The following APCDD1L variants were observed in gnomAD, a reference collection of about 807,000 sequenced individuals.
The protein encoded by APCDD1L is protein APCDD1-like.
APCDD1L carries 21 observed loss-of-function variants against 24.2 expected under a neutral mutation model. That is an observed-to-expected ratio of 0.87 (90% CI 0.61 to 1.25). The LOEUF is 1.25. Ranked by LOEUF, APCDD1L falls within the 50% of genes most tolerant of loss-of-function variation. APCDD1L has a pLI of 0.00. For synonymous variants in APCDD1L, 321 were observed against 323.6 expected (o/e 0.99, Z 0.09); for missense variants, 704 against 711.7 (o/e 0.99, Z 0.12).
Position 58,494,158 on chromosome 20 carries a change from A to AG in APCDD1L, c.49+20500dup, listed in dbSNP as rs1245065855. Among the ~76,000 whole-genome samples the AG allele has an allele frequency of 6.6e-6, 1 of 152,076 alleles. No individual in the cohort carries two copies. Among genetic ancestry groups the AG allele is most frequent in the East Asian group, 1.9e-4 (1 of 5,196 alleles). On this transcript the variant is annotated intron_variant, in intron 1 of 3. Transcript: ENST00000371149. This position sits in a 1 kb window ranked among gnomAD's most constrained non-coding sequence, Gnocchi z 4.8. ...TAGGCTGAGGAGGAGGAGGAAGAGG[A>AG]GGGGCTGGTCTTGCTGTCTCAGGGG...
rs747250193 is a variant in APCDD1L at position 58,470,652 on chromosome 20, C to T, written c.145G>A (p.Ala49Thr). 6.3e-7 allele frequency: 1 copy of T among 1,576,318 alleles called. No homozygotes were observed. The highest frequency in any genetic ancestry group is 1.2e-5 in the South Asian group (1 of 85,782). ...CCATTAAGGCGTGGAGGCAGGATCG[C>T]AGTGCTGGGCACTCTATCTGGCAAG... ...QPLPDRVPST[A>T]ILPPRLNGPW... The change falls in exon 2 of 4, where the codon GCG (alanine) becomes ACG (threonine). Residue 49 changes from alanine to threonine, a missense_variant. Transcript: ENST00000371149.
intron 1 of APCDD1L, among the ~76,000 whole-genome samples, chr20:58,492,092 A>G (rs1990234771): frequency 6.6e-6 from 1 of 152,262 alleles, no homozygotes; most frequent in Non-Finnish European, 1.5e-5. Flanking sequence ...GTACAAAAAG[A>G]TAAAATGCTA....
intron 3 of APCDD1L, among the ~76,000 whole-genome samples, chr20:58,465,057 G>A (rs1349252779): frequency 6.6e-6 from 1 of 152,110 alleles, no homozygotes; most frequent in African/African-American, 2.4e-5. Flanking sequence ...CCTGCCTGGG[G>A]ATGCATGAAA....
chr20:58,502,185 C>T (rs1369054810), intron 1 of APCDD1L, among the ~76,000 whole-genome samples: 3 of 152,132 alleles, frequency 2.0e-5, no homozygotes, highest in Middle Eastern at 6.3e-3. Context: ...TCACTGGAAC[C>T]TGTCTCCAGG....
chr20:58,478,608 C>T (rs1170504047), intron 1 of APCDD1L, among the ~76,000 whole-genome samples: 1 of 152,084 alleles, frequency 6.6e-6, no homozygotes, highest in Non-Finnish European at 1.5e-5. Context: ...AGGACAATGC[C>T]TTCATAGACT....
chr20:58,468,786 T>C (rs764644772), intron 2 of APCDD1L, among the ~76,000 whole-genome samples: 54 of 152,182 alleles, frequency 3.5e-4, no homozygotes, highest in Admixed American at 2.6e-4. Context: ...CAGGCTGATT[T>C]TGAACTCCTG....
chr20:58,486,854 GTTTTT>G (rs747539318), intron 1 of APCDD1L, among the ~76,000 whole-genome samples: 1 of 80,402 alleles, frequency 1.2e-5, no homozygotes, highest in Non-Finnish European at 2.1e-5. Context: ...TGGAGGGAAG[GTTTTT>G]TTTTTTTTTT....
At chr20:58,511,360 C>G (rs1990624281) in intron 1 of APCDD1L, among the ~76,000 whole-genome samples, 1 of 152,216 alleles carries the variant, frequency 6.6e-6, no homozygotes, top group Non-Finnish European at 1.5e-5. Context: ...ATTTTCCAGG[C>G]TGGTTTTGGC....
At chr20:58,496,898 C>T (rs566090413) in intron 1 of APCDD1L, among the ~76,000 whole-genome samples, 8 of 152,266 alleles carry the variant, frequency 5.3e-5, no homozygotes, top group Admixed American at 1.3e-4. Flanking sequence ...GGACCCCCTA[C>T]GAGCGGCACT....
intron 1 of APCDD1L, among the ~76,000 whole-genome samples, chr20:58,510,145 C>G (rs1158762372): frequency 6.6e-6 from 1 of 152,198 alleles, no homozygotes; most frequent in Non-Finnish European, 1.5e-5. Context: ...CCTAAAACTG[C>G]TTGGTAAAGT....
At chr20:58,486,508 A>AGAC (rs1478267300) in intron 1 of APCDD1L, among the ~76,000 whole-genome samples, 3 of 152,220 alleles carry the variant, frequency 2.0e-5, no homozygotes, top group Non-Finnish European at 4.4e-5. Context: ...TCTTCCATAA[A>AGAC]GACAACAACA....
At chr20:58,466,403 G>A (rs1176801520) in intron 3 of APCDD1L, among the ~76,000 whole-genome samples, 1 of 152,204 alleles carries the variant, frequency 6.6e-6, no homozygotes, top group East Asian at 1.9e-4. Context: ...ACGTGGCTTC[G>A]CCGTCTGGTT....
rs143159872 is a variant in APCDD1L, at chr20:58,513,618, G to A, written c.49+1041C>T. ...ACATGGAGCAGAGCGTGCTCTGTGGGACCGCGCAGCCCCTCTTCACCCCGG... is the reference window on the plus strand; with the variant it reads ...ACATGGAGCAGAGCGTGCTCTGTGGAACCGCGCAGCCCCTCTTCACCCCGG... On this transcript the variant is annotated intron_variant, in intron 1 of 3. Transcript: ENST00000371149. Among the ~76,000 whole-genome samples, 236 of 152,282 alleles carry A rather than the reference G, an allele frequency of 1.5e-3. 1 individual carries two copies. Among genetic ancestry groups the A allele is most frequent in the African/African-American group, 5.5e-3 (228 of 41,556 alleles).
intron 2 of APCDD1L, 32 bp downstream of exon 2, chr20:58,470,577 G>T: frequency 6.4e-7 from 1 of 1,563,946 alleles, no homozygotes; most frequent in East Asian, 2.3e-5. Flanking sequence ...CCCAGTCCAG[G>T]GGTCCATGGT....
intron 1 of APCDD1L, among the ~76,000 whole-genome samples, chr20:58,473,015 T>A (rs6070474): frequency 0.022 from 3,327 of 152,278 alleles, 50 homozygotes; most frequent in Non-Finnish European, 0.034. Flanking sequence ...TTTGAACATC[T>A]TCAGTGTCAA....
chr20:58,514,989 G>A lies in APCDD1L; in HGVS notation c.-282C>T. On this transcript the variant is annotated 5_prime_UTR_variant, in exon 1 of 4. Transcript: ENST00000371149. ...ACCCGCGCAGCGCGCACAGCCCCCT[G>A]GTGCAGCTCCTGCCATTCAGACCCC... The A allele has an allele frequency of 6.1e-6, 2 of 330,338 alleles. No individual in the cohort carries two copies. Among genetic ancestry groups the A allele is most frequent in the Non-Finnish European group, 1.1e-5 (2 of 183,054 alleles). The allele number at this position is 330,338 out of a possible 1,614,324, so 20.5% of individuals were successfully genotyped here.
intron 1 of APCDD1L, among the ~76,000 whole-genome samples, chr20:58,500,869 C>T (rs1294537341): frequency 6.6e-6 from 1 of 152,162 alleles, no homozygotes; most frequent in Non-Finnish European, 1.5e-5. Flanking sequence ...CTTTTGTGGG[C>T]TCTCCAAGCT....
chr20:58,492,915 C>T (rs892468848), intron 1 of APCDD1L, among the ~76,000 whole-genome samples: 3 of 151,574 alleles, frequency 2.0e-5, no homozygotes, highest in Non-Finnish European at 4.4e-5. Context: ...TGCAAGCATG[C>T]ACACATGCAT....
At chr20:58,473,562 A>C (rs1303396621) in intron 1 of APCDD1L, among the ~76,000 whole-genome samples, 1 of 151,508 alleles carries the variant, frequency 6.6e-6, no homozygotes, top group African/African-American at 2.4e-5. Flanking sequence ...ATTTTCTCCA[A>C]CATAGCTCTT....
Sources: allele counts gnomAD v4.1 joint callset (sites outside exome capture counted in the v4.1 genomes callset), GRCh38; gene constraint gnomAD v4.1.1; non-coding constraint Gnocchi (gnomAD v3.1); transcripts MANE v1.5; gene names NCBI Gene and HGNC (gene_info 2026-07-23, HGNC 2026-07-21).